IL12RB1: variants seen among roughly 807,000 people sequenced by gnomAD.
IL12RB1 encodes the protein interleukin 12 receptor subunit beta 1, also known as interleukin-12 receptor subunit beta-1.
IL12RB1 carries 64 observed loss-of-function variants against 94.4 expected under a neutral mutation model. That is an observed-to-expected ratio of 0.68 (90% confidence interval 0.55 to 0.83). The LOEUF (loss-of-function observed/expected upper bound fraction) is 0.83, where lower values mean the gene tolerates loss of function less well. Among genes scored for constraint, IL12RB1 ranks in the 40% least tolerant of loss-of-function variants. IL12RB1 has a pLI of 0.00. For missense variants in IL12RB1, 814 were observed against 855.6 expected (o/e 0.95, Z 0.61); for synonymous variants, 362 against 355.5 (o/e 1.02, Z -0.21).
upstream of IL12RB1, among the ~76,000 whole-genome samples, chr19:18,089,139 A>G (rs1599588078): frequency 6.6e-6 from 1 of 151,984 alleles, no homozygotes. Context: ...AAAATATCCA[A>G]AATAGGCAAA....
upstream of IL12RB1, among the ~76,000 whole-genome samples, chr19:18,090,489 CA>C (rs2036583087): frequency 6.6e-6 from 1 of 152,190 alleles, no homozygotes; most frequent in Admixed American, 6.5e-5. Context: ...AAACTGAGTC[CA>C]GGGGCACTCA....
chr19:18,083,006 C>A, intron 2 of IL12RB1: 1 of 287,398 alleles, frequency 3.5e-6, no homozygotes, highest in Non-Finnish European at 6.8e-6. Context: ...TAGCTTGAAC[C>A]TGGAAGGTGG....
chr19:18,097,728 G>T, intron 1 of IL12RB1: 1 of 1,114,806 alleles, frequency 9.0e-7, no homozygotes, highest in Non-Finnish European at 1.1e-6. Flanking sequence ...AATGGCACCT[G>T]GCGGCGGGGC....
intron 2 of IL12RB1, 37 bp from the exon 3 acceptor site, chr19:18,082,301 G>A: frequency 8.3e-7 from 1 of 1,208,920 alleles, no homozygotes. Context: ...ACAGACCAGA[G>A]TCTGGAGGGG....
At position 18,077,570 on chromosome 19, in the gene IL12RB1, C is replaced by G; in HGVS notation, c.495G>C (p.Gln165His). ...LRMEWETPDNQVGAEVQFRHR... is the reference protein window; with the variant it reads ...LRMEWETPDNHVGAEVQFRHR... ...GCCGGAACTGCACCTCAGCACCAACCTGGTTATCCGGGGTCTCCCACTCCA... is the reference window on the plus strand; with the variant it reads ...GCCGGAACTGCACCTCAGCACCAACGTGGTTATCCGGGGTCTCCCACTCCA... The change falls in exon 5 of 17, where the codon CAG becomes CAC. Residue 165 changes from glutamine to histidine, a missense_variant. Gln to His is a conservative substitution (Grantham distance 24). Coordinates refer to ENST00000593993, the MANE Select transcript of IL12RB1 (RefSeq NM_005535.3). 1 of 1,611,900 alleles carries G rather than the reference C, an allele frequency of 6.2e-7. No individual in the cohort carries two copies. Among genetic ancestry groups the G allele is most frequent in the Non-Finnish European group, 8.5e-7 (1 of 1,178,210 alleles).
At chr19:18,076,408 T>A (rs2035483270) in intron 5 of IL12RB1, 81 bp from the exon 6 acceptor site, 2 of 765,570 alleles carry the variant, frequency 2.6e-6, no homozygotes, top group Non-Finnish European at 4.8e-6. Flanking sequence ...GTTATTTATT[T>A]ACTTATTTAT....
rs775513511 is a variant in IL12RB1 at position 18,063,920 on chromosome 19, G to T, written c.1574C>A (p.Ala525Glu). ...AYTVQVRADT[A>E]WLRGVWSQPQ... ...CTGGCTCCAGACACCCCTCAGCCAC[G>T]CTGTGTCTGCTCGCACCTGCACCGT... The change falls in exon 13 of 17, where the codon GCG (alanine) becomes GAG (glutamate). Residue 525 changes from alanine (A) to glutamate (E), a missense_variant. Ala to Glu is a moderately radical substitution (Grantham distance 107, BLOSUM62 -1). Transcript: ENST00000593993. The T allele has an allele frequency of 1.9e-6, 3 of 1,613,092 alleles. No individual in the cohort carries two copies. The highest frequency in any genetic ancestry group is 8.5e-7 in the Non-Finnish European group (1 of 1,179,476).
intron 1 of IL12RB1, among the ~76,000 whole-genome samples, chr19:18,085,160 C>A (rs925074286): frequency 1.1e-4 from 17 of 152,270 alleles, no homozygotes; most frequent in Middle Eastern, 6.8e-3. Flanking sequence ...AAGACCCCGG[C>A]GCCCTCACTC....
chr19:18,061,862 C>CAAAAAAAAAAAA (rs1555778906), intron 14 of IL12RB1, among the ~76,000 whole-genome samples: 4 of 141,874 alleles, frequency 2.8e-5, no homozygotes, highest in African/African-American at 7.9e-5. Flanking sequence ...GACTCCATCT[C>CAAAAAAAAAAAA]AAAAAAGAAA....
intron 15 of IL12RB1, among the ~76,000 whole-genome samples, chr19:18,060,555 G>A (rs1007592063): frequency 6.6e-6 from 1 of 152,014 alleles, no homozygotes; most frequent in African/African-American, 2.4e-5. Flanking sequence ...ACTCCCATCT[G>A]TCTTTGGGAA....
chr19:18,075,066 CA>C lies in IL12RB1; in HGVS notation c.700+682del, dbSNP rs554445318. On this transcript the variant is annotated intron_variant, in intron 7 of 16. Transcript: ENST00000593993. ...GACTCCGTCTCAAAAAAAAAAACAA[CA>C]AAAAACAACAAACAAACAAACAAAA... Among the ~76,000 whole-genome samples the C allele has an allele frequency of 1.5e-3, 223 of 149,996 alleles. 1 individual carries two copies. Among genetic ancestry groups the C allele is most frequent in the African/African-American group, 4.3e-3 (173 of 40,646 alleles).
chr19:18,079,288 G>A lies in IL12RB1; in HGVS notation c.409+1544C>T, dbSNP rs190136586. 1.8e-3 allele frequency among the ~76,000 whole-genome samples: 278 copies of A among 151,856 alleles called. 4 individuals are homozygous for A. The highest frequency in any genetic ancestry group is 0.016 in the Admixed American group (242 of 15,226). On this transcript the variant is annotated intron_variant, in intron 4 of 16. Coordinates refer to ENST00000593993, the MANE Select transcript of IL12RB1 (RefSeq NM_005535.3). Reference sequence around the variant, plus strand: ...TCGGCTAATTTTTGTATTTTTAGTAGAGATGGGGTTTCACCATGTTGGTCA... The same window carrying A: ...TCGGCTAATTTTTGTATTTTTAGTAAAGATGGGGTTTCACCATGTTGGTCA...
chr19:18,067,671 T>C (rs986878544), intron 11 of IL12RB1, among the ~76,000 whole-genome samples: 3 of 152,014 alleles, frequency 2.0e-5, no homozygotes, highest in African/African-American at 7.2e-5. Context: ...GGCATGGTAG[T>C]GCACACCTAT....
intron 12 of IL12RB1, among the ~76,000 whole-genome samples, chr19:18,066,018 A>G (rs1325466817): frequency 2.7e-5 from 4 of 149,920 alleles, no homozygotes; most frequent in Admixed American, 6.7e-5. Context: ...CAGCCTGGGC[A>G]CAGAGTGAGT....
intron 7 of IL12RB1, among the ~76,000 whole-genome samples, chr19:18,074,780 G>A (rs1333384435): frequency 6.6e-6 from 1 of 151,496 alleles, no homozygotes; most frequent in East Asian, 2.0e-4. Context: ...GGCCGGGCGC[G>A]GTGGCTCACG....
intron 3 of IL12RB1, among the ~76,000 whole-genome samples, chr19:18,081,575 T>A (rs367775874): frequency 2.6e-5 from 4 of 151,696 alleles, no homozygotes; most frequent in African/African-American, 4.8e-5. Flanking sequence ...ATCCCAGCAC[T>A]TTGGGAGGCC....
rs758591255 is a variant in IL12RB1, at chr19:18,066,641, C to A, written c.1384G>T (p.Val462Leu). 109 of 1,612,104 alleles carry A rather than the reference C, an allele frequency of 6.8e-5. 1 individual carries two copies. In the East Asian group the frequency reaches 2.1e-3, roughly 31 times the overall value. ...VSVKNHSLDSVSVDWAPSLLS... is the reference protein window; with the variant it reads ...VSVKNHSLDSLSVDWAPSLLS... ...AGGGATGGTGCCCAGTCCACAGACA[C>A]AGAGTCCAAGCTATGATTCTTCACC... The change falls in exon 12 of 17, where the codon GTG (valine) becomes TTG (leucine). Residue 462 changes from valine to leucine, a missense_variant. Physicochemically the swap from Val to Leu is conservative, Grantham distance 32. Coordinates refer to ENST00000593993, the MANE Select transcript of IL12RB1 (RefSeq NM_005535.3).
At chr19:18,092,632 T>C (rs1424802610) in intron 1 of IL12RB1, among the ~76,000 whole-genome samples, 1 of 148,982 alleles carries the variant, frequency 6.7e-6, no homozygotes, top group East Asian at 2.0e-4. Flanking sequence ...ATTGTGCCAC[T>C]GCACCCCAGC....
chr19:18,069,220 A>G (rs537017421), intron 10 of IL12RB1, among the ~76,000 whole-genome samples: 48 of 152,230 alleles, frequency 3.2e-4, no homozygotes, highest in African/African-American at 1.1e-3. Context: ...ACTGCTCATT[A>G]ATTTGCCACC....
Sources: allele counts gnomAD v4.1 joint callset (sites outside exome capture counted in the v4.1 genomes callset), GRCh38; gene constraint gnomAD v4.1.1; transcripts MANE v1.5; gene names NCBI Gene and HGNC (gene_info 2026-07-23, HGNC 2026-07-21).